Variants in KHDRBS2 observed in about 807,000 individuals in gnomAD.
The protein encoded by KHDRBS2 is KH RNA binding domain containing, signal transduction associated 2, also known as KH domain-containing, RNA-binding, signal transduction-associated protein 2.
Under a neutral mutation model 44.3 loss-of-function variants are expected in KHDRBS2, and 26 were observed. The observed-to-expected ratio is 0.59, with a 90% CI of 0.43 to 0.81. The LOEUF is 0.81. Among genes scored for constraint, KHDRBS2 ranks in the 40% least tolerant of loss-of-function variants. The pLI, the probability that KHDRBS2 is intolerant of heterozygous loss-of-function variation, is 0.00. For synonymous variants in KHDRBS2, 194 were observed against 151.1 expected (o/e 1.28, Z -2.08); for missense variants, 476 against 433.1 (o/e 1.10, Z -0.88).
intron 6 of KHDRBS2, among the ~76,000 whole-genome samples, chr6:61,864,537 G>T (rs188888931): frequency 6.6e-6 from 1 of 152,062 alleles, no homozygotes; most frequent in South Asian, 2.1e-4. Context: ...TAATTTGGCT[G>T]GATATAAAAT....
chr6:61,778,053 C>G (rs1336448247), intron 6 of KHDRBS2, among the ~76,000 whole-genome samples: 3 of 152,032 alleles, frequency 2.0e-5, no homozygotes, highest in African/African-American at 7.3e-5. Context: ...GTGTTCATGA[C>G]CACTCCTATT....
chr6:62,136,704 C>A (rs1233401546), intron 2 of KHDRBS2, among the ~76,000 whole-genome samples: 4 of 152,132 alleles, frequency 2.6e-5, no homozygotes, highest in Admixed American at 2.6e-4. Context: ...AGTTGGCCCC[C>A]TACCACAATG....
the KHDRBS2 span, among the ~76,000 whole-genome samples, chr6:61,557,637 T>C: frequency 1.3e-5 from 2 of 152,206 alleles, no homozygotes; most frequent in Non-Finnish European, 2.9e-5. Flanking sequence ...AGGATAATAG[T>C]AGTAGCCTCA....
At chr6:62,253,522 A>G (rs1836887025) in intron 1 of KHDRBS2, among the ~76,000 whole-genome samples, 3 of 151,920 alleles carry the variant, frequency 2.0e-5, no homozygotes, top group South Asian at 4.1e-4. Flanking sequence ...CCGTCCCTCT[A>G]TCTTAGCTAA....
chr6:62,004,263 A>G (rs1778805561), intron 3 of KHDRBS2, among the ~76,000 whole-genome samples: 1 of 152,176 alleles, frequency 6.6e-6, no homozygotes, highest in Non-Finnish European at 1.5e-5. Context: ...TAGCAAGACT[A>G]GTAAAGAAGA....
intron 4 of KHDRBS2, among the ~76,000 whole-genome samples, chr6:61,939,840 A>C (rs1287573185): frequency 1.3e-5 from 2 of 152,218 alleles, no homozygotes; most frequent in Non-Finnish European, 2.9e-5. Context: ...GAGATGCAAA[A>C]TTATAGATTT....
At chr6:62,181,723 C>T (rs974185046) in intron 1 of KHDRBS2, among the ~76,000 whole-genome samples, 2 of 151,852 alleles carry the variant, frequency 1.3e-5, no homozygotes, top group Admixed American at 1.3e-4. Flanking sequence ...AATCCTGACT[C>T]CAAGATGACA....
At chr6:61,963,460 G>T (rs1036196357) in intron 4 of KHDRBS2, among the ~76,000 whole-genome samples, 3 of 152,030 alleles carry the variant, frequency 2.0e-5, no homozygotes, top group Non-Finnish European at 4.4e-5. Context: ...AAATAAATAT[G>T]CAAACATTGG....
chr6:62,210,186 T>G (rs1828783492), intron 1 of KHDRBS2, among the ~76,000 whole-genome samples: 1 of 152,096 alleles, frequency 6.6e-6, no homozygotes, highest in Non-Finnish European at 1.5e-5. Flanking sequence ...ACCACCTATT[T>G]TTTAGGTGGA....
chr6:61,785,033 C>T (rs1783565862), intron 6 of KHDRBS2, among the ~76,000 whole-genome samples: 1 of 151,870 alleles, frequency 6.6e-6, no homozygotes, highest in African/African-American at 2.4e-5. Flanking sequence ...TCTGTAGTCC[C>T]CGCTACTCAA....
chr6:61,858,906 T>A (rs1296264287), intron 6 of KHDRBS2, among the ~76,000 whole-genome samples: 1 of 151,888 alleles, frequency 6.6e-6, no homozygotes, highest in East Asian at 1.9e-4. Flanking sequence ...CAACTTATTG[T>A]ATAGTTGTAT....
the KHDRBS2 span, among the ~76,000 whole-genome samples, chr6:61,619,443 T>C: frequency 3.0e-5 from 1 of 33,498 alleles, no homozygotes; most frequent in Non-Finnish European, 9.6e-5. Context: ...TTATTTTTGT[T>C]TGTTTGTTTG....
intron 6 of KHDRBS2, among the ~76,000 whole-genome samples, chr6:61,861,952 G>C (rs1797047821): frequency 6.6e-6 from 1 of 151,960 alleles, no homozygotes; most frequent in African/African-American, 2.4e-5. Flanking sequence ...TGTATTCCTA[G>C]GTATTTTATT....
chr6:61,633,662 C>A, the KHDRBS2 span, among the ~76,000 whole-genome samples: 1 of 151,884 alleles, frequency 6.6e-6, no homozygotes, highest in African/African-American at 2.4e-5. Flanking sequence ...CCTCATGTGC[C>A]CAGTCCCTTG....
chr6:61,970,358 T>C (rs1771098982), intron 4 of KHDRBS2, among the ~76,000 whole-genome samples: 1 of 151,690 alleles, frequency 6.6e-6, no homozygotes, highest in Admixed American at 6.6e-5. Flanking sequence ...AAAAAAAAAA[T>C]CCCATCATTT....
intron 4 of KHDRBS2, among the ~76,000 whole-genome samples, chr6:61,958,663 A>G (rs1408805160): frequency 1.3e-5 from 2 of 152,182 alleles, no homozygotes; most frequent in Non-Finnish European, 2.9e-5. Context: ...TGTTTACAGA[A>G]TTGTGCCAAC....
the KHDRBS2 span, among the ~76,000 whole-genome samples, chr6:61,634,959 A>G: frequency 1.3e-5 from 2 of 151,930 alleles, no homozygotes; most frequent in African/African-American, 4.8e-5. Context: ...TGCCAAAAAA[A>G]GAAGCTTTCT....
chr6:61,804,669 A>T (rs1418082745), intron 6 of KHDRBS2, among the ~76,000 whole-genome samples: 1 of 152,164 alleles, frequency 6.6e-6, no homozygotes, highest in Non-Finnish European at 1.5e-5. Flanking sequence ...ATTTCTGTAG[A>T]CCTGCAGTCC....
intron 8 of KHDRBS2, among the ~76,000 whole-genome samples, chr6:61,683,747 A>G (rs1218155353): frequency 3.3e-5 from 5 of 151,908 alleles, no homozygotes; most frequent in African/African-American, 1.2e-4. Context: ...ATCATATTTC[A>G]TGGCACAAAT....
Sources: allele counts gnomAD v4.1 joint callset (sites outside exome capture counted in the v4.1 genomes callset), GRCh38; gene constraint gnomAD v4.1.1; transcripts MANE v1.5; gene names NCBI Gene and HGNC (gene_info 2026-07-23, HGNC 2026-07-21).